Variants in SSBP2 observed in about 807,000 individuals in gnomAD.
SSBP2 encodes single-stranded DNA-binding protein 2.
In SSBP2, 17 loss-of-function variants were observed where a neutral mutation model predicts 61.8. The observed-to-expected ratio is 0.28, with a 90% CI of 0.19 to 0.41. The LOEUF (loss-of-function observed/expected upper bound fraction) is 0.41. Ranked by LOEUF, SSBP2 falls within the 10% of genes least tolerant of loss-of-function variation. The pLI is 1.00. For synonymous variants in SSBP2, 139 were observed against 141.3 expected (o/e 0.98, Z 0.12); for missense variants, 310 against 458.7 (o/e 0.68, Z 2.96).
At chr5:81,608,483 T>C (rs1180997751) in intron 4 of SSBP2, among the ~76,000 whole-genome samples, 1 of 152,166 alleles carries the variant, frequency 6.6e-6, no homozygotes, top group Non-Finnish European at 1.5e-5. Flanking sequence ...AAAATGACTA[T>C]GGCAGATGAA....
chr5:81,674,818 C>T (rs1346631604), intron 1 of SSBP2, among the ~76,000 whole-genome samples: 2 of 152,150 alleles, frequency 1.3e-5, no homozygotes, highest in Non-Finnish European at 1.5e-5. Flanking sequence ...CTAAACCAGA[C>T]TACTATGCCA....
intron 4 of SSBP2, among the ~76,000 whole-genome samples, chr5:81,518,852 T>C (rs1329895424): frequency 6.6e-6 from 1 of 152,130 alleles, no homozygotes; most frequent in Non-Finnish European, 1.5e-5. Flanking sequence ...CTTTTCATTT[T>C]TGGAGTAGTA....
intron 5 of SSBP2, among the ~76,000 whole-genome samples, chr5:81,501,510 G>C (rs1388129245): frequency 6.7e-6 from 1 of 149,160 alleles, no homozygotes; most frequent in Non-Finnish European, 1.5e-5. Context: ...TGTGCACAAA[G>C]GGTATTCAGT....
chr5:81,516,927 C>G (rs972701324), intron 4 of SSBP2, among the ~76,000 whole-genome samples: 14 of 152,178 alleles, frequency 9.2e-5, no homozygotes, highest in African/African-American at 3.4e-4. Flanking sequence ...CCATGATCCA[C>G]AGAAAGTTGT....
intron 1 of SSBP2, among the ~76,000 whole-genome samples, chr5:81,706,082 T>C (rs912896945): frequency 2.6e-5 from 4 of 152,030 alleles, no homozygotes; most frequent in Admixed American, 6.6e-5. Flanking sequence ...AGCAAAGACA[T>C]GGAATCAATC....
intron 10 of SSBP2, among the ~76,000 whole-genome samples, chr5:81,452,950 GAA>G (rs72373513): frequency 1.4e-4 from 19 of 135,452 alleles, no homozygotes; most frequent in African/African-American, 3.3e-4. Flanking sequence ...GCATTAAAAT[GAA>G]AAAAAAAAAA....
chr5:81,437,328 C>T, intron 15 of SSBP2, 102 bp downstream of exon 15: 1 of 1,113,152 alleles, frequency 9.0e-7, no homozygotes. Flanking sequence ...CTTTCAAACT[C>T]TTGTTCAAGA....
chr5:81,546,623 A>G (rs1490773121), intron 4 of SSBP2, among the ~76,000 whole-genome samples: 1 of 152,142 alleles, frequency 6.6e-6, no homozygotes, highest in African/African-American at 2.4e-5. Flanking sequence ...CTGTTCAGAT[A>G]TATCCAAAGA....
chr5:81,612,401 A>T (rs1745537724), intron 4 of SSBP2, among the ~76,000 whole-genome samples: 1 of 152,156 alleles, frequency 6.6e-6, no homozygotes. Context: ...TCTGTTTTAA[A>T]GTAACTTTCC....
At chr5:81,613,992 A>C (rs2153599261) in intron 4 of SSBP2, among the ~76,000 whole-genome samples, 1 of 152,348 alleles carries the variant, frequency 6.6e-6, no homozygotes, top group East Asian at 1.9e-4. Flanking sequence ...GTGTGTAACA[A>C]GCTTTATGAG....
chr5:81,663,702 A>G (rs1417099006), intron 1 of SSBP2, among the ~76,000 whole-genome samples: 1 of 152,130 alleles, frequency 6.6e-6, no homozygotes, highest in Non-Finnish European at 1.5e-5. Flanking sequence ...ATAATATCCT[A>G]TATCTACTTT....
intron 1 of SSBP2, among the ~76,000 whole-genome samples, chr5:81,750,358 C>T (rs1757660264): frequency 1.4e-5 from 2 of 145,796 alleles, no homozygotes; most frequent in African/African-American, 2.5e-5. Context: ...CCTCCGCGCC[C>T]CGCGCGCGTC....
intron 4 of SSBP2, among the ~76,000 whole-genome samples, chr5:81,571,016 T>C (rs1310462711): frequency 2.0e-5 from 3 of 152,228 alleles, no homozygotes; most frequent in Non-Finnish European, 4.4e-5. Context: ...AATAAGTTCA[T>C]TATCACATGA....
chr5:81,616,735 C>G (rs1746090903), intron 3 of SSBP2: 1 of 149,320 alleles, frequency 6.7e-6, no homozygotes, highest in Admixed American at 6.6e-5. Context: ...GTGGTTCTCC[C>G]AGCACGCAGC....
chr5:81,572,541 G>GCT (rs1773913289), intron 4 of SSBP2, among the ~76,000 whole-genome samples: 1 of 152,104 alleles, frequency 6.6e-6, no homozygotes, highest in Non-Finnish European at 1.5e-5. Flanking sequence ...CAAAGGAATG[G>GCT]CTCATTGGTA....
At chr5:81,680,387 A>G (rs900559180) in intron 1 of SSBP2, among the ~76,000 whole-genome samples, 1 of 149,374 alleles carries the variant, frequency 6.7e-6, no homozygotes, top group Non-Finnish European at 1.5e-5. Context: ...AACATAATCT[A>G]TAGGTTCTGT....
intron 6 of SSBP2, among the ~76,000 whole-genome samples, chr5:81,483,373 T>C (rs1766141358): frequency 6.6e-6 from 1 of 152,170 alleles, no homozygotes; most frequent in African/African-American, 2.4e-5. Flanking sequence ...CATTATATAG[T>C]TCACTCATGG....
At chr5:81,428,993 T>G (rs747301716) in intron 15 of SSBP2, among the ~76,000 whole-genome samples, 2 of 146,634 alleles carry the variant, frequency 1.4e-5, no homozygotes, top group African/African-American at 2.7e-5. Flanking sequence ...CTGGAGAGTT[T>G]AAAACATTCC....
chr5:81,634,931 G>A (rs372298058), intron 3 of SSBP2, among the ~76,000 whole-genome samples: 15 of 152,304 alleles, frequency 9.8e-5, no homozygotes, highest in African/African-American at 1.9e-4. Context: ...CTTCAAATAC[G>A]TCTCTCTCAC....
Sources: allele counts gnomAD v4.1 joint callset (sites outside exome capture counted in the v4.1 genomes callset), GRCh38; gene constraint gnomAD v4.1.1; transcripts MANE v1.5; gene names NCBI Gene and HGNC (gene_info 2026-07-23, HGNC 2026-07-21).